Variants in CFAP74 observed in about 807,000 individuals in gnomAD.
CFAP74 encodes cilia and flagella associated protein 74, also known as cilia- and flagella-associated protein 74.
A neutral mutation model predicts 188.9 loss-of-function variants in CFAP74; 124 were observed. The observed-to-expected ratio is 0.66, with a 90% CI of 0.57 to 0.76. CFAP74 has a LOEUF of 0.76. Ranked by LOEUF, CFAP74 falls within the 30% of genes least tolerant of loss-of-function variation. CFAP74 has a pLI of 0.00. For missense variants in CFAP74, 2,198 were observed against 2,165.2 expected (o/e 1.02, Z -0.30); for synonymous variants, 956 against 916.7 (o/e 1.04, Z -0.77).
chr1:1,959,241 A>G (rs1386398591), intron 15 of CFAP74, 32 bp from the exon 16 acceptor site: 2 of 1,303,630 alleles, frequency 1.5e-6, no homozygotes, highest in Non-Finnish European at 2.2e-6. Context: ...ACCACAATAC[A>G]CTTCTGCAAC....
chr1:1,944,327 T>C lies in CFAP74; in HGVS notation c.2486+4A>G. 7 of 1,534,760 alleles carry C rather than the reference T, an allele frequency of 4.6e-6. No individual in the cohort carries two copies. Among genetic ancestry groups the C allele is most frequent in the Non-Finnish European group, 6.1e-6 (7 of 1,146,628 alleles). ...CCCGTGTGCATGGACAGGAGGGGGCTCACCGCGTGTGCACGAGCACAGAGT... is the reference window on the plus strand; with the variant it reads ...CCCGTGTGCATGGACAGGAGGGGGCCCACCGCGTGTGCACGAGCACAGAGT... On this transcript the variant is annotated splice_donor_region_variant and intron_variant, in intron 21 of 38. Transcript: ENST00000682832.
chr1:1,935,598 A>T (rs1385228071), intron 25 of CFAP74, among the ~76,000 whole-genome samples: 1 of 151,424 alleles, frequency 6.6e-6, no homozygotes, highest in African/African-American at 2.4e-5. Context: ...GTACACAGGT[A>T]TGTAATGAAA....
intron 21 of CFAP74, 30 bp downstream of exon 21, chr1:1,944,300 AC>A (rs770602785): frequency 2.0e-6 from 3 of 1,527,668 alleles, no homozygotes; most frequent in Non-Finnish European, 1.7e-6. Flanking sequence ...TGCGTGGGTC[AC>A]CCCGTGTGCA....
chr1:1,966,539 A>T lies in CFAP74; in HGVS notation c.1246-13T>A. On this transcript the variant is annotated splice_polypyrimidine_tract_variant and intron_variant, in intron 11 of 38. Coordinates refer to ENST00000682832, the MANE Select transcript of CFAP74 (RefSeq NM_001304360.2). ...CAGCCTCGTAGTCCTGCAGTCGGGGAGAGGAACATCGCAAAGACACGCTCA... is the reference window on the plus strand; with the variant it reads ...CAGCCTCGTAGTCCTGCAGTCGGGGTGAGGAACATCGCAAAGACACGCTCA... 2.0e-6 allele frequency: 3 copies of T among 1,522,988 alleles called. No homozygotes were observed. The allele number at this position is 1,522,988 out of a possible 1,614,324, so 94.3% of individuals were successfully genotyped here.
At chr1:1,979,313 A>G (rs1656655861) in intron 6 of CFAP74, among the ~76,000 whole-genome samples, 1 of 138,244 alleles carries the variant, frequency 7.2e-6, no homozygotes, top group Non-Finnish European at 1.6e-5. Context: ...TGTCGTGCTG[A>G]GCTGGGCGTG....
chr1:1,991,057 G>A, intron 1 of CFAP74, 82 bp from the exon 2 acceptor site: 2 of 962,680 alleles, frequency 2.1e-6, no homozygotes, highest in Non-Finnish European at 3.1e-6. Flanking sequence ...CTTAAAGAAG[G>A]CATTAAGAAA....
rs1392340998 is a variant in CFAP74, at chr1:1,926,853, T to A, written c.3662+41A>T. 5.8e-6 allele frequency: 9 copies of A among 1,549,264 alleles called. No individual in the cohort carries two copies. In the Admixed American group the frequency reaches 1.8e-4, roughly 30 times the overall value. ...GGCAGTAGCAGAGGGACAGCGCGTT[T>A]GCGGCTGACCACACCCTGTTCTGGC... On this transcript the variant is annotated intron_variant, in intron 29 of 38. Coordinates refer to ENST00000682832, the MANE Select transcript of CFAP74 (RefSeq NM_001304360.2).
rs541751777 is a variant in CFAP74 at position 1,973,831 on chromosome 1, AG to A, written c.674+193del. ...GAGGGCTGGGGCTCTGGGCAGGTGC[AG>A]GGGAGTGCCTGACACTTGGGAAGGA... On this transcript the variant is annotated intron_variant, in intron 7 of 38. Transcript: ENST00000682832. The surrounding 1 kb of genome is among the most constrained non-coding windows in gnomAD (Gnocchi z 6.2). 6.6e-6 allele frequency among the ~76,000 whole-genome samples: 1 copy of A among 151,898 alleles called. No homozygotes were observed. Among genetic ancestry groups the A allele is most frequent in the South Asian group, 2.1e-4 (1 of 4,794 alleles).
chr1:1,946,919 C>T lies in CFAP74; in HGVS notation c.2241+71G>A, dbSNP rs1037227229. On this transcript the variant is annotated intron_variant, in intron 19 of 38. Transcript: ENST00000682832. The stretch of plus-strand genomic sequence containing the variant: ...CAGTGAGGGCCAGTGGGTTGGGGTG[C>T]AGCTGGGGCTGGGGGAAGGTGGGCG... 8 of 1,225,170 alleles carry T rather than the reference C, an allele frequency of 6.5e-6. No individual in the cohort carries two copies. In the East Asian group the frequency reaches 1.5e-4, roughly 23 times the overall value. 75.9% of individuals were successfully genotyped at this position (1,225,170 alleles called of 1,614,324 possible).
intron 6 of CFAP74, among the ~76,000 whole-genome samples, chr1:1,980,849 C>T (rs1024688805): frequency 1.3e-5 from 2 of 152,248 alleles, no homozygotes; most frequent in Admixed American, 6.5e-5. Context: ...AAACCGAGAC[C>T]CTCAGAAACC....
At chr1:1,945,152 C>T (rs1230698279) in intron 20 of CFAP74, among the ~76,000 whole-genome samples, 3 of 151,778 alleles carry the variant, frequency 2.0e-5, no homozygotes, top group Non-Finnish European at 4.4e-5. Flanking sequence ...ACAAAAAATA[C>T]AAAACTTAGC....
rs990296528 is a variant in CFAP74, at chr1:1,973,597, G to A, written c.674+428C>T. Among the ~76,000 whole-genome samples the A allele has an allele frequency of 6.6e-6, 1 of 152,064 alleles. No homozygotes were observed. Among genetic ancestry groups the A allele is most frequent in the African/African-American group, 2.4e-5 (1 of 41,382 alleles). The stretch of plus-strand genomic sequence containing the variant: ...GCAGGAGACTCATGACAGAAGACGT[G>A]TGGGGAATGGGCCTGAGTGCTCCAC... On this transcript the variant is annotated intron_variant, in intron 7 of 38. Coordinates refer to ENST00000682832, the MANE Select transcript of CFAP74 (RefSeq NM_001304360.2). The surrounding 1 kb of genome is among the most constrained non-coding windows in gnomAD (Gnocchi z 6.2).
intron 6 of CFAP74, among the ~76,000 whole-genome samples, chr1:1,982,442 T>G (rs2102097142): frequency 6.6e-6 from 1 of 152,306 alleles, no homozygotes; most frequent in South Asian, 2.1e-4. Flanking sequence ...GGGACACGCA[T>G]ATGCATGAGC....
At chr1:1,974,953 C>A in intron 6 of CFAP74, among the ~76,000 whole-genome samples, 1 of 152,308 alleles carries the variant, frequency 6.6e-6, no homozygotes, top group Non-Finnish European at 1.5e-5. Context: ...TGGAGGGATG[C>A]AAGGAGCCGC....
At position 1,936,374 on chromosome 1, in the gene CFAP74, T is replaced by G. The variant is rs1652897993; in HGVS notation, c.3011+2481A>C. On this transcript the variant is annotated intron_variant, in intron 25 of 38. Transcript: ENST00000682832. The stretch of plus-strand genomic sequence containing the variant: ...TCCTGTCTAACATGGTGAAACCCTG[T>G]CTCTACTAAAAATACAAAAATTAGC... Among the ~76,000 whole-genome samples the G allele has an allele frequency of 2.7e-5, 4 of 148,736 alleles. No individual in the cohort carries two copies. The South Asian group carries it at 8.5e-4, about 32-fold the overall frequency.
chr1:1,930,114 G>A lies in CFAP74; in HGVS notation c.3234C>T (p.Pro1078=). The A allele has an allele frequency of 2.0e-6, 3 of 1,535,160 alleles. No individual in the cohort carries two copies. Among genetic ancestry groups the A allele is most frequent in the Non-Finnish European group, 2.6e-6 (3 of 1,146,310 alleles). ...MGPTSFEFLL[P]PDSPITISPS... is the part of the protein sequence containing the mutation. ...GCGAGATGGTGATAGGCGAGTCTGG[G>A]GGCAGCAGGAACTCGAAAGACGTGG... The change falls in exon 26 of 39, where the codon CCC becomes CCT. Residue 1078 remains proline (P), a synonymous_variant. Transcript: ENST00000682832.
chr1:1,960,815 C>G (rs533296189), intron 14 of CFAP74, among the ~76,000 whole-genome samples: 1 of 152,164 alleles, frequency 6.6e-6, no homozygotes, highest in African/African-American at 2.4e-5. Flanking sequence ...GAGCAGAATC[C>G]GAGAGGGTGG....
At chr1:1,999,709 C>T (rs1308509588) in intron 1 of CFAP74, among the ~76,000 whole-genome samples, 2 of 151,556 alleles carry the variant, frequency 1.3e-5, no homozygotes, top group Admixed American at 6.6e-5. Flanking sequence ...CCCAGCTACT[C>T]GGGAGGCTGA....
At chr1:1,962,475 TCA>T (rs1655160942) in intron 14 of CFAP74, among the ~76,000 whole-genome samples, 1 of 46,522 alleles carries the variant, frequency 2.1e-5, no homozygotes, top group African/African-American at 9.3e-5. Flanking sequence ...AAACTCCATC[TCA>T]AAAAAAAAAA....
Sources: allele counts gnomAD v4.1 joint callset (sites outside exome capture counted in the v4.1 genomes callset), GRCh38; gene constraint gnomAD v4.1.1; non-coding constraint Gnocchi (gnomAD v3.1); transcripts MANE v1.5; gene names NCBI Gene and HGNC (gene_info 2026-07-23, HGNC 2026-07-21).